Variants in PCSK5 observed in about 807,000 individuals in gnomAD.
PCSK5 encodes proprotein convertase subtilisin/kexin type 5.
Under a neutral mutation model 233.2 loss-of-function variants are expected in PCSK5, and 129 were observed. The observed-to-expected ratio is 0.55, with a 90% CI of 0.48 to 0.64. The LOEUF is 0.64. Among genes scored for constraint, PCSK5 ranks in the 30% least tolerant of loss-of-function variants. The pLI is 0.00. For synonymous variants in PCSK5, 825 were observed against 879.2 expected, an observed-to-expected ratio of 0.94 and a Z score of 1.09; for missense variants, 2,076 against 2,430.1, an observed-to-expected ratio of 0.85 and a Z score of 3.06.
At chr9:75,931,248 C>CT (rs3074142) in intron 1 of PCSK5, among the ~76,000 whole-genome samples, 2,004 of 130,414 alleles carry the variant, frequency 0.015, 25 homozygotes, top group Middle Eastern at 0.082. Flanking sequence ...TGGGCCAAGA[C>CT]TTTTTTTTTT....
chr9:76,027,410 T>C (rs1340602644), intron 5 of PCSK5, among the ~76,000 whole-genome samples: 1 of 152,108 alleles, frequency 6.6e-6, no homozygotes, highest in Non-Finnish European at 1.5e-5. Flanking sequence ...CAACACATGA[T>C]TGAATACTGC....
chr9:75,956,546 A>G (rs1825102916), intron 2 of PCSK5, among the ~76,000 whole-genome samples: 1 of 152,188 alleles, frequency 6.6e-6, no homozygotes, highest in African/African-American at 2.4e-5. Flanking sequence ...ATATCACTCA[A>G]AGTTTTCTTT....
chr9:75,978,802 A>G (rs939348922), intron 2 of PCSK5, among the ~76,000 whole-genome samples: 1 of 151,800 alleles, frequency 6.6e-6, no homozygotes, highest in Non-Finnish European at 1.5e-5. Context: ...TCTGATTCCT[A>G]GTACAATGAT....
chr9:76,053,388 T>G (rs1047712682), intron 5 of PCSK5, among the ~76,000 whole-genome samples: 2 of 152,240 alleles, frequency 1.3e-5, no homozygotes, highest in African/African-American at 4.8e-5. Flanking sequence ...GGCTTATGGT[T>G]ACTTATGCAG....
rs146701759 is a variant in PCSK5 at position 76,068,015 on chromosome 9, C to T, written c.693C>T (p.Val231=). The T allele has an allele frequency of 1.3e-4, 206 of 1,613,814 alleles. No homozygotes were observed. Among genetic ancestry groups the T allele is most frequent in the East Asian group, 8.0e-4 (36 of 44,858 alleles). The part of the protein sequence containing the change: ...AAAANNSHCT[V]GIAFNAKIGG... ...CTGCAAACAATTCGCACTGCACAGT[C>T]GGAATTGCTTTCAACGCCAAGATCG... Residue 231 remains valine (V), a synonymous_variant, in exon 6 of 38, where the codon GTC becomes GTT. Transcript: ENST00000674117.
intron 25 of PCSK5, 43 bp from the exon 26 acceptor site, chr9:76,295,232 C>T (rs2131412671): frequency 6.4e-7 from 1 of 1,558,004 alleles, no homozygotes; most frequent in Non-Finnish European, 8.8e-7. Flanking sequence ...AAGAGAAATA[C>T]ATCAACATAA....
intron 2 of PCSK5, among the ~76,000 whole-genome samples, 194 bp downstream of exon 2, chr9:75,932,677 A>C (rs1469543608): frequency 6.6e-6 from 1 of 152,176 alleles, no homozygotes; most frequent in Non-Finnish European, 1.5e-5. Context: ...ATCTGCCACT[A>C]TCATCCCAGT....
At chr9:76,345,585 AT>A (rs1829957571) in intron 35 of PCSK5, among the ~76,000 whole-genome samples, 1 of 151,208 alleles carries the variant, frequency 6.6e-6, no homozygotes, top group Admixed American at 6.6e-5. Context: ...CGACCTGCTA[AT>A]TTTTTTTAAA....
intron 24 of PCSK5, among the ~76,000 whole-genome samples, chr9:76,255,466 A>G (rs893851394): frequency 4.1e-4 from 62 of 152,322 alleles, no homozygotes; most frequent in African/African-American, 1.5e-3. Flanking sequence ...TGTATTGTTC[A>G]GCTAGGTGGA....
Position 76,272,767 on chromosome 9 carries a change from C to A in PCSK5, c.3143-19466C>A, listed in dbSNP as rs868112905. 1.2e-3 allele frequency among the ~76,000 whole-genome samples: 89 copies of A among 71,444 alleles called. No homozygotes were observed. In the Middle Eastern group the frequency reaches 0.035, roughly 28 times the overall value. The allele number at this position is 71,444 out of a possible 152,430, so 46.9% of individuals were successfully genotyped here. A position where few individuals can be genotyped will look rare whatever the true frequency, so the allele number is the denominator to read the frequency against. On this transcript the variant is annotated intron_variant, in intron 24 of 37. Coordinates refer to ENST00000674117, the MANE Select transcript of PCSK5 (RefSeq NM_001372043.1). ...TCCAGCCTGGTGACAGAGTGAGACT[C>A]CATCTCAAAAAAAAAAAAAAAAAAA... is the stretch of plus-strand genomic sequence containing the variant.
chr9:76,314,776 A>G (rs1487415378), intron 30 of PCSK5, among the ~76,000 whole-genome samples: 1 of 151,796 alleles, frequency 6.6e-6, no homozygotes, highest in Admixed American at 6.6e-5. Flanking sequence ...AGCTGGGATT[A>G]CAGGCGCATG....
At chr9:76,274,183 T>G (rs1340323285) in intron 24 of PCSK5, among the ~76,000 whole-genome samples, 1 of 152,060 alleles carries the variant, frequency 6.6e-6, no homozygotes, top group African/African-American at 2.4e-5. Context: ...TCTTTGAGTT[T>G]ACCTAATTCT....
intron 1 of PCSK5, among the ~76,000 whole-genome samples, chr9:75,930,338 T>A (rs1286715140): frequency 6.6e-6 from 1 of 152,088 alleles, no homozygotes; most frequent in Non-Finnish European, 1.5e-5. Flanking sequence ...ACAGAAAGAA[T>A]GCTGGTCAGT....
At chr9:76,061,760 C>T (rs1830037515) in intron 5 of PCSK5, among the ~76,000 whole-genome samples, 1 of 152,004 alleles carries the variant, frequency 6.6e-6, no homozygotes, top group African/African-American at 2.4e-5. Context: ...AAAGAAAAGA[C>T]AAATATTTAA....
chr9:76,134,303 G>A (rs566022788), intron 10 of PCSK5, 91 bp downstream of exon 10: 2 of 710,628 alleles, frequency 2.8e-6, no homozygotes, highest in South Asian at 2.1e-5. Flanking sequence ...CCCCTCAAAC[G>A]AAACTTTAAA....
intron 24 of PCSK5, among the ~76,000 whole-genome samples, chr9:76,254,414 C>T (rs1053937970): frequency 2.6e-5 from 4 of 151,882 alleles, no homozygotes; most frequent in African/African-American, 4.8e-5. Flanking sequence ...ATTGTCTTAC[C>T]TTGGAAATGT....
chr9:76,194,602 G>GT (rs1824594278), intron 20 of PCSK5: 20 of 327,328 alleles, frequency 6.1e-5, no homozygotes, highest in South Asian at 1.0e-4. Context: ...TGTTTTTTGG[G>GT]GTTTTTTTTT....
chr9:76,339,297 C>A (rs887172754), intron 35 of PCSK5, among the ~76,000 whole-genome samples: 1 of 151,902 alleles, frequency 6.6e-6, no homozygotes, highest in African/African-American at 2.4e-5. Context: ...AGGATACATA[C>A]CTGTTCTTTT....
chr9:76,034,431 T>C (rs1033514812), intron 5 of PCSK5, among the ~76,000 whole-genome samples: 21 of 152,202 alleles, frequency 1.4e-4, no homozygotes, highest in Admixed American at 1.3e-3. Flanking sequence ...TCTTGACATA[T>C]GTTAAAAATA....
Sources: allele counts gnomAD v4.1 joint callset (sites outside exome capture counted in the v4.1 genomes callset), GRCh38; gene constraint gnomAD v4.1.1; transcripts MANE v1.5; gene names NCBI Gene and HGNC (gene_info 2026-07-23, HGNC 2026-07-21).